The following GPR158 variants were observed in gnomAD, a reference collection of about 807,000 sequenced individuals.
The protein encoded by GPR158 is metabotropic glycine receptor.
In GPR158, 30 loss-of-function variants were observed where a neutral mutation model predicts 78.2. The observed-to-expected ratio is 0.38, with a 90% CI of 0.29 to 0.52. The LOEUF is 0.52. Among genes scored for constraint, GPR158 ranks in the 20% least tolerant of loss-of-function variants. GPR158 has a pLI of 0.83. For synonymous variants in GPR158, 581 were observed against 591.1 expected (o/e 0.98, Z 0.25); for missense variants, 1,463 against 1,523.5 (o/e 0.96, Z 0.66).
At chr10:25,457,082 C>T (rs1207156073) in intron 4 of GPR158, among the ~76,000 whole-genome samples, 1 of 151,402 alleles carries the variant, frequency 6.6e-6, no homozygotes, top group African/African-American at 2.4e-5. Flanking sequence ...AAGCAATTCT[C>T]CTGCCTCAGC....
chr10:25,336,797 G>A (rs1855214224), intron 2 of GPR158, among the ~76,000 whole-genome samples: 3 of 152,078 alleles, frequency 2.0e-5, no homozygotes, highest in African/African-American at 7.2e-5. Flanking sequence ...GGAAAGCTGT[G>A]TCCTGGAAGA....
intron 2 of GPR158, among the ~76,000 whole-genome samples, chr10:25,280,647 T>G (rs1388795123): frequency 1.3e-5 from 2 of 152,188 alleles, no homozygotes; most frequent in African/African-American, 4.8e-5. Flanking sequence ...AGACTGCATT[T>G]TTTTCTCAAA....
chr10:25,254,672 G>A (rs1723280572), intron 2 of GPR158, among the ~76,000 whole-genome samples: 1 of 152,114 alleles, frequency 6.6e-6, no homozygotes, highest in Admixed American at 6.5e-5. Context: ...AAGATAAATA[G>A]GGAATTTTTA....
chr10:25,372,848 T>TAAAGTACAA (rs56306794), intron 2 of GPR158, among the ~76,000 whole-genome samples: 1 of 151,272 alleles, frequency 6.6e-6, no homozygotes, highest in African/African-American at 2.4e-5. Flanking sequence ...CCCTAAAACT[T>TAAAGTACAA]TAATAATAAT....
intron 2 of GPR158, among the ~76,000 whole-genome samples, chr10:25,347,479 C>A (rs932090524): frequency 6.6e-6 from 1 of 151,888 alleles, no homozygotes; most frequent in Admixed American, 6.6e-5. Context: ...AGGATGTGGC[C>A]ATCTTTGGGG....
chr10:25,202,294 C>T (rs1286675533), intron 1 of GPR158, among the ~76,000 whole-genome samples: 1 of 151,062 alleles, frequency 6.6e-6, no homozygotes, highest in East Asian at 2.0e-4. Flanking sequence ...GGTACATGTG[C>T]ACAACATGCA....
At chr10:25,367,141 A>T (rs921497391) in intron 2 of GPR158, among the ~76,000 whole-genome samples, 1 of 151,550 alleles carries the variant, frequency 6.6e-6, no homozygotes, top group African/African-American at 2.4e-5. Flanking sequence ...TCCATATTTC[A>T]TCTATAATCA....
At chr10:25,451,434 T>C (rs1038575536) in intron 4 of GPR158, among the ~76,000 whole-genome samples, 1 of 152,234 alleles carries the variant, frequency 6.6e-6, no homozygotes, top group African/African-American at 2.4e-5. Flanking sequence ...TTTTTCACAC[T>C]TTTTACTTCT....
At chr10:25,521,545 C>G (rs558799563) in intron 5 of GPR158, among the ~76,000 whole-genome samples, 4 of 152,138 alleles carry the variant, frequency 2.6e-5, no homozygotes, top group African/African-American at 9.7e-5. Flanking sequence ...GAGATTTCTT[C>G]TTGGTTTGGA....
intron 5 of GPR158, among the ~76,000 whole-genome samples, chr10:25,468,068 C>T (rs115261233): frequency 3.9e-5 from 6 of 152,222 alleles, no homozygotes; most frequent in East Asian, 1.9e-4. Context: ...ATTGCACCTG[C>T]GTATCTCTTA....
intron 2 of GPR158, among the ~76,000 whole-genome samples, chr10:25,359,124 G>A (rs1487565446): frequency 6.6e-6 from 1 of 151,418 alleles, no homozygotes; most frequent in East Asian, 1.9e-4. Flanking sequence ...TTTATTTTAC[G>A]ACTTCTGGGG....
intron 2 of GPR158, among the ~76,000 whole-genome samples, chr10:25,369,948 T>C (rs1461791169): frequency 5.3e-5 from 8 of 150,048 alleles, no homozygotes; most frequent in Admixed American, 1.3e-4. Flanking sequence ...TTCTAGTTTA[T>C]TTGCGTAGAG....
intron 4 of GPR158, among the ~76,000 whole-genome samples, chr10:25,413,003 C>T (rs141942742): frequency 6.6e-5 from 10 of 152,190 alleles, no homozygotes; most frequent in Admixed American, 2.0e-4. Flanking sequence ...GAGAACATGT[C>T]CTTTGGTTCT....
chr10:25,255,368 A>G (rs1853876470), intron 2 of GPR158, among the ~76,000 whole-genome samples: 1 of 152,244 alleles, frequency 6.6e-6, no homozygotes, highest in Admixed American at 6.5e-5. Context: ...AAACTACAAC[A>G]AAGTTCATCA....
chr10:25,572,871 C>T lies in GPR158; in HGVS notation c.1737C>T (p.Asp579=), dbSNP rs780609248. Residue 579 remains aspartate (D), a synonymous_variant, in exon 7 of 11, where the codon GAC becomes GAT. Transcript: ENST00000376351. ...ATATGTGCCTCATTGACCGCTGGGA[C>T]TACATGACAGCAGTTGGTATGTGGT... The part of the protein sequence containing the change: ...IFNMCLIDRW[D]YMTAVAEFLF... 5 of 1,597,146 alleles carry T rather than the reference C, an allele frequency of 3.1e-6. No individual in the cohort carries two copies. Among genetic ancestry groups the T allele is most frequent in the Non-Finnish European group, 8.6e-7 (1 of 1,164,706 alleles).
chr10:25,219,576 G>A (rs1853269622), intron 1 of GPR158, among the ~76,000 whole-genome samples: 1 of 152,132 alleles, frequency 6.6e-6, no homozygotes, highest in African/African-American at 2.4e-5. Context: ...GGATTATCTG[G>A]ATAAACCAAA....
At chr10:25,186,260 A>G (rs1234779564) in intron 1 of GPR158, among the ~76,000 whole-genome samples, 4 of 152,232 alleles carry the variant, frequency 2.6e-5, no homozygotes, top group Non-Finnish European at 5.9e-5. Context: ...AATGCCCACA[A>G]GAGAAAGCAG....
At chr10:25,535,613 A>G (rs1016422655) in intron 5 of GPR158, among the ~76,000 whole-genome samples, 2 of 152,212 alleles carry the variant, frequency 1.3e-5, no homozygotes, top group Admixed American at 1.3e-4. Flanking sequence ...TGACCCACTG[A>G]AACTGTGAGA....
intron 4 of GPR158, among the ~76,000 whole-genome samples, chr10:25,418,940 A>C (rs1220457055): frequency 6.6e-6 from 1 of 151,604 alleles, no homozygotes; most frequent in Non-Finnish European, 1.5e-5. Flanking sequence ...TAACAATGCT[A>C]ATTTTTTGTT....
Sources: allele counts gnomAD v4.1 joint callset (sites outside exome capture counted in the v4.1 genomes callset), GRCh38; gene constraint gnomAD v4.1.1; transcripts MANE v1.5; gene names NCBI Gene and HGNC (gene_info 2026-07-23, HGNC 2026-07-21).